The following GPR107 variants were observed in gnomAD, a reference collection of about 807,000 sequenced individuals.
GPR107 encodes the protein protein GPR107.
In GPR107, 31 loss-of-function variants were observed where a neutral mutation model predicts 75.5. The observed-to-expected ratio is 0.41, with a 90% CI of 0.31 to 0.55. The LOEUF (loss-of-function observed/expected upper bound fraction) is 0.55, where lower values mean the gene tolerates loss of function less well. Among genes scored for constraint, GPR107 ranks in the 20% least tolerant of loss-of-function variants. The pLI is 0.26. For synonymous variants in GPR107, 267 were observed against 251.3 expected (o/e 1.06, Z -0.59); for missense variants, 572 against 665.7 (o/e 0.86, Z 1.55).
At chr9:130,055,194 G>A (rs907529887) in intron 1 of GPR107, among the ~76,000 whole-genome samples, 4 of 152,142 alleles carry the variant, frequency 2.6e-5, no homozygotes, top group Non-Finnish European at 5.9e-5. Context: ...TAGGCGGGGC[G>A]CGGTGGCTCA....
At chr9:130,060,037 G>A (rs1278159444) in intron 1 of GPR107, among the ~76,000 whole-genome samples, 4 of 151,932 alleles carry the variant, frequency 2.6e-5, no homozygotes, top group African/African-American at 2.4e-5. Context: ...ACCAGGCCCA[G>A]CGTGATCAGT....
intron 1 of GPR107, among the ~76,000 whole-genome samples, chr9:130,062,632 TCCTGCCTGCCTGCCTG>T (rs536746664): frequency 6.6e-5 from 9 of 136,954 alleles, no homozygotes; most frequent in South Asian, 2.5e-4. Context: ...CTTCCTGCCT[TCCTGCCTGCCTGCCTG>T]CCTGCCTGCC....
intron 4 of GPR107, 102 bp downstream of exon 4, chr9:130,077,480 C>A: frequency 1.4e-6 from 1 of 711,396 alleles, no homozygotes; most frequent in South Asian, 1.5e-5. Context: ...TGCCAGAGAC[C>A]GTGCTGAGTG....
intron 14 of GPR107, among the ~76,000 whole-genome samples, chr9:130,114,034 T>A (rs777399435): frequency 8.7e-6 from 1 of 115,340 alleles, no homozygotes; most frequent in Non-Finnish European, 2.0e-5. Context: ...TCATTCTTTT[T>A]TTTTTTTTTT....
chr9:130,097,591 T>C (rs1830906873), intron 9 of GPR107, among the ~76,000 whole-genome samples: 1 of 152,196 alleles, frequency 6.6e-6, no homozygotes. Context: ...TTTTTGCCAA[T>C]CTGATAGGTG....
intron 9 of GPR107, among the ~76,000 whole-genome samples, chr9:130,098,772 C>A (rs1830942183): frequency 4.6e-5 from 7 of 152,134 alleles, no homozygotes; most frequent in Admixed American, 4.6e-4. Context: ...CTTTGGGAGG[C>A]AGAGGCGGGT....
At chr9:130,132,348 G>A (rs2132660465) in intron 17 of GPR107, among the ~76,000 whole-genome samples, 1 of 152,322 alleles carries the variant, frequency 6.6e-6, no homozygotes, top group Admixed American at 6.5e-5. Flanking sequence ...TGAGCAGGAG[G>A]CAGGGCTGAG....
rs765145273 is a variant in GPR107 at position 130,123,034 on chromosome 9, A to T, written c.1307-1881A>T. 3.8e-4 allele frequency among the ~76,000 whole-genome samples: 58 copies of T among 152,138 alleles called. No homozygotes were observed. The Middle Eastern group carries it at 0.01, about 27-fold the overall frequency. On this transcript the variant is annotated intron_variant, in intron 14 of 17. Transcript: ENST00000347136. ...AAATGATGAGAACCAGAGAGATTTAATTTTTAATTTGCTTTTTCTGTTGTT... is the reference window on the plus strand; with the variant it reads ...AAATGATGAGAACCAGAGAGATTTATTTTTTAATTTGCTTTTTCTGTTGTT...
At chr9:130,106,078 T>C (rs1295206910) in intron 13 of GPR107, among the ~76,000 whole-genome samples, 1 of 152,124 alleles carries the variant, frequency 6.6e-6, no homozygotes, top group Admixed American at 6.6e-5. Flanking sequence ...GAGCACCTCA[T>C]TAGGGAACAG....
At chr9:130,068,605 T>C (rs1354903719) in intron 1 of GPR107, among the ~76,000 whole-genome samples, 1 of 152,194 alleles carries the variant, frequency 6.6e-6, no homozygotes, top group Non-Finnish European at 1.5e-5. Context: ...TACTCTATTT[T>C]TTTTATGACT....
At chr9:130,062,447 A>AATAATG (rs1310126588) in intron 1 of GPR107, among the ~76,000 whole-genome samples, 3 of 149,206 alleles carry the variant, frequency 2.0e-5, no homozygotes, top group Non-Finnish European at 4.5e-5. Flanking sequence ...TAATAATAAT[A>AATAATG]ATAATAATAA....
At chr9:130,118,257 G>A (rs933133963) in intron 14 of GPR107, among the ~76,000 whole-genome samples, 3 of 152,186 alleles carry the variant, frequency 2.0e-5, no homozygotes, top group Admixed American at 6.5e-5. Context: ...TGATGGCAAC[G>A]ACCAGTGCTG....
At chr9:130,109,095 G>A (rs1056287561) in intron 14 of GPR107, among the ~76,000 whole-genome samples, 10 of 149,024 alleles carry the variant, frequency 6.7e-5, no homozygotes, top group Non-Finnish European at 1.3e-4. Flanking sequence ...CACCTCCTGG[G>A]TTCAAGCAAT....
intron 17 of GPR107, among the ~76,000 whole-genome samples, chr9:130,134,124 T>C (rs986667090): frequency 1.3e-4 from 20 of 152,146 alleles, no homozygotes; most frequent in Non-Finnish European, 2.9e-5. Flanking sequence ...AAATCCTCAT[T>C]GTTTCCTCGC....
At position 130,104,081 on chromosome 9, in the gene GPR107, G is replaced by A. The variant is rs74958841; in HGVS notation, c.1132-339G>A. Among the ~76,000 whole-genome samples, 366 of 152,292 alleles carry A rather than the reference G, an allele frequency of 2.4e-3. 1 individual carries two copies. Among genetic ancestry groups the A allele is most frequent in the African/African-American group, 8.3e-3 (345 of 41,554 alleles). On this transcript the variant is annotated intron_variant, in intron 12 of 17. Transcript: ENST00000347136. ...CATCTCTGCATGGTCTGTACAGCAG[G>A]GTAGTTTCAGGGTAGCCAGACTTCT...
chr9:130,084,547 G>T (rs907705955), intron 6 of GPR107, among the ~76,000 whole-genome samples: 5 of 152,158 alleles, frequency 3.3e-5, no homozygotes, highest in Non-Finnish European at 7.3e-5. Flanking sequence ...GGAGGCTGAG[G>T]TGGGTGGATT....
In GPR107 at chr9:130,055,598, A is replaced by G. The variant is rs544006325; in HGVS notation, c.141+1525A>G. Among the ~76,000 whole-genome samples the G allele has an allele frequency of 6.6e-5, 10 of 152,154 alleles. No homozygotes were observed. The South Asian group carries it at 2.1e-3, about 32-fold the overall frequency. On this transcript the variant is annotated intron_variant, in intron 1 of 17. Transcript: ENST00000347136. Reference sequence around the variant, plus strand: ...TAAAAACACATTGTTTTAGCAAACTATGAAGCATTGTATTTTGTTAATGTA... The same window carrying G: ...TAAAAACACATTGTTTTAGCAAACTGTGAAGCATTGTATTTTGTTAATGTA...
rs1009260926 is a variant in GPR107, at chr9:130,140,097, A to T, written c.*4976A>T. 6.6e-6 allele frequency: 1 copy of T among 152,204 alleles called. No homozygotes were observed. The highest frequency in any genetic ancestry group is 2.4e-5 in the African/African-American group (1 of 41,448). 9.4% of individuals were successfully genotyped at this position (152,204 alleles called of 1,614,324 possible). A position where few individuals can be genotyped will look rare whatever the true frequency, so the allele number is the denominator to read the frequency against. On this transcript the variant is annotated 3_prime_UTR_variant, in exon 18 of 18. Transcript: ENST00000347136. The surrounding 1 kb of genome is among the most constrained non-coding windows in gnomAD (Gnocchi z 4.0). ...CGTATAATGGGTGGGGGATCCGATC[A>T]TGGTGATGTACGGGGTGAATTCTCT...
At chr9:130,128,875 C>G in intron 17 of GPR107, 114 bp downstream of exon 17, 1 of 969,022 alleles carries the variant, frequency 1.0e-6, no homozygotes, top group Non-Finnish European at 1.6e-6. Flanking sequence ...GGGGTGGTTC[C>G]TCTATTTTTA....
Sources: gnomAD v4.1 joint callset for allele counts (sites outside exome capture counted in the v4.1 genomes callset) on GRCh38, gnomAD v4.1.1 for gene constraint, Gnocchi (gnomAD v3.1) non-coding constraint, MANE v1.5 for transcripts, NCBI Gene and HGNC (gene_info 2026-07-23, HGNC 2026-07-21) for gene names.